CAST: variants seen among roughly 807,000 people sequenced by gnomAD.
CAST encodes MIR583 host.
CAST carries 76 observed loss-of-function variants against 119.6 expected under a neutral mutation model. That is an observed-to-expected ratio of 0.64 (90% confidence interval 0.53 to 0.77). The LOEUF is 0.77. Among genes scored for constraint, CAST ranks in the 30% least tolerant of loss-of-function variants. The pLI is 0.00. For synonymous variants in CAST, 319 were observed against 331.6 expected (o/e 0.96, Z 0.41); for missense variants, 953 against 946.5 (o/e 1.01, Z -0.09).
the CAST span, chr5:95,961,838 T>G: frequency 7.9e-7 from 1 of 1,271,714 alleles, no homozygotes; most frequent in Non-Finnish European, 1.0e-6. Context: ...GCTGCTGACG[T>G]ACTGTCATAT....
At chr5:96,400,638 T>C in the CAST span, among the ~76,000 whole-genome samples, 1 of 152,224 alleles carries the variant, frequency 6.6e-6, no homozygotes, top group Non-Finnish European at 1.5e-5. Context: ...AGTGAGATGT[T>C]AAAGACACAG....
chr5:96,171,949 C>T, the CAST span, among the ~76,000 whole-genome samples: 2 of 151,428 alleles, frequency 1.3e-5, no homozygotes, highest in African/African-American at 4.8e-5. Context: ...ATCCGAGTCA[C>T]GGCACCAAAT....
the CAST span, among the ~76,000 whole-genome samples, chr5:95,992,484 A>G: frequency 6.6e-6 from 1 of 151,954 alleles, no homozygotes; most frequent in Non-Finnish European, 1.5e-5. Flanking sequence ...ACTGGGGGAC[A>G]TTGCACAAAA....
the CAST span, among the ~76,000 whole-genome samples, chr5:96,499,323 T>C: frequency 1.3e-5 from 2 of 152,270 alleles, no homozygotes; most frequent in African/African-American, 4.8e-5. Flanking sequence ...ATTGCAATAA[T>C]GCAAGTCACA....
Position 96,737,845 on chromosome 5 carries a change from C to T in CAST, c.700-4C>T, listed in dbSNP as rs2150497807. The T allele has an allele frequency of 6.7e-7, 1 of 1,502,800 alleles. No individual in the cohort carries two copies. The highest frequency in any genetic ancestry group is 9.2e-7 in the Non-Finnish European group (1 of 1,087,484). The allele number at this position is 1,502,800 out of a possible 1,614,324, so 93.1% of individuals were successfully genotyped here. A position where few individuals can be genotyped will look rare whatever the true frequency, so the allele number is the denominator to read the frequency against. On this transcript the variant is annotated splice_polypyrimidine_tract_variant and splice_region_variant and intron_variant, in intron 10 of 31. Coordinates refer to ENST00000675179, the MANE Select transcript of CAST (RefSeq NM_001750.7). ...CATTTAAATATCTGTTCTTTCTTTTCCAGTCAGGCATGGATGCTGCTTTGG... is the reference window on the plus strand; with the variant it reads ...CATTTAAATATCTGTTCTTTCTTTTTCAGTCAGGCATGGATGCTGCTTTGG...
chr5:96,766,019 G>T, intron 26 of CAST, 34 bp from the exon 27 acceptor site: 1 of 1,164,312 alleles, frequency 8.6e-7, no homozygotes, highest in South Asian at 1.3e-5. Context: ...AAGAGGAAAT[G>T]AATATTAATT....
chr5:96,256,682 T>G, the CAST span, among the ~76,000 whole-genome samples: 25 of 152,174 alleles, frequency 1.6e-4, no homozygotes, highest in African/African-American at 5.8e-4. Flanking sequence ...TATAATCTTA[T>G]GGGACCACTG....
the CAST span, among the ~76,000 whole-genome samples, chr5:96,176,751 A>T: frequency 6.6e-6 from 1 of 152,106 alleles, no homozygotes; most frequent in South Asian, 2.1e-4. Flanking sequence ...CCTTTTCATA[A>T]CCCTGTATCG....
intron 17 of CAST, 53 bp from the exon 18 acceptor site, chr5:96,747,292 A>G: frequency 6.6e-6 from 8 of 1,213,778 alleles, no homozygotes; most frequent in East Asian, 4.7e-5. Flanking sequence ...TTGATGGGAC[A>G]TGAAAGCAAA....
the CAST span, among the ~76,000 whole-genome samples, chr5:96,115,821 C>T: frequency 1.2e-4 from 18 of 151,822 alleles, no homozygotes; most frequent in African/African-American, 3.6e-4. Flanking sequence ...AAGGACACCT[C>T]GAATCTGTTA....
chr5:96,668,608 C>T (rs191841006), intron 1 of CAST, among the ~76,000 whole-genome samples: 1 of 152,232 alleles, frequency 6.6e-6, no homozygotes, highest in East Asian at 1.9e-4. Flanking sequence ...AATTTGCCAG[C>T]CCCTGGGATA....
At chr5:96,742,868 G>A in intron 16 of CAST, 112 bp downstream of exon 16, 1 of 759,872 alleles carries the variant, frequency 1.3e-6, no homozygotes, top group East Asian at 2.7e-5. Context: ...GTAAAAGTGA[G>A]CATTCTTCAT....
At chr5:96,235,637 T>A in the CAST span, among the ~76,000 whole-genome samples, 2 of 145,282 alleles carry the variant, frequency 1.4e-5, no homozygotes, top group Non-Finnish European at 1.5e-5. Flanking sequence ...AGTTCTGGGC[T>A]TTTTTTGTAG....
chr5:96,242,147 T>G, the CAST span, among the ~76,000 whole-genome samples: 3 of 149,428 alleles, frequency 2.0e-5, no homozygotes, highest in African/African-American at 7.4e-5. Flanking sequence ...CCCATGCCTA[T>G]GTCCTGAATG....
the CAST span, among the ~76,000 whole-genome samples, chr5:96,476,339 T>G: frequency 6.6e-6 from 1 of 152,242 alleles, no homozygotes; most frequent in African/African-American, 2.4e-5. Context: ...TTCTCCATTT[T>G]TATGCTTGTT....
chr5:96,333,126 T>C, the CAST span, among the ~76,000 whole-genome samples: 1 of 151,736 alleles, frequency 6.6e-6, no homozygotes, highest in Non-Finnish European at 1.5e-5. Context: ...TGCAAATTGT[T>C]GCCTTTCCCC....
chr5:96,312,075 G>T, the CAST span, among the ~76,000 whole-genome samples: 11 of 150,826 alleles, frequency 7.3e-5, no homozygotes, highest in African/African-American at 2.7e-4. Flanking sequence ...TTTTTGTTTT[G>T]TTTGTCTCCT....
the CAST span, among the ~76,000 whole-genome samples, chr5:96,322,469 G>A: frequency 2.8e-4 from 43 of 152,164 alleles, no homozygotes; most frequent in African/African-American, 8.2e-4. Flanking sequence ...CAAGCTGCCT[G>A]TCACTGAATG....
the CAST span, among the ~76,000 whole-genome samples, chr5:96,054,839 G>A: frequency 6.6e-6 from 1 of 152,124 alleles, no homozygotes; most frequent in East Asian, 1.9e-4. Flanking sequence ...TGTGAAACTG[G>A]AGGTAGAAGG....
Sources: allele counts gnomAD v4.1 joint callset (sites outside exome capture counted in the v4.1 genomes callset), GRCh38; gene constraint gnomAD v4.1.1; transcripts MANE v1.5; gene names NCBI Gene and HGNC (gene_info 2026-07-23, HGNC 2026-07-21).